MYO18B: variants seen among roughly 807,000 people sequenced by gnomAD.
MYO18B encodes unconventional myosin-XVIIIb.
In MYO18B, 204 loss-of-function variants were observed where a neutral mutation model predicts 273.0. The ratio of observed to expected loss-of-function variants is 0.75; its 90% CI spans 0.67 to 0.84. MYO18B has a LOEUF of 0.84. Among genes scored for constraint, MYO18B ranks in the 40% least tolerant of loss-of-function variants. The probability of loss-of-function intolerance (pLI) is 0.00; values close to 1 mark genes in which losing one functional copy is unlikely to be tolerated. For synonymous variants in MYO18B, 1,330 were observed against 1,305.7 expected (o/e 1.02, Z -0.40); for missense variants, 3,212 against 3,287.6 (o/e 0.98, Z 0.56).
chr22:25,887,884 C>G (rs949451960), intron 25 of MYO18B, among the ~76,000 whole-genome samples: 1 of 152,146 alleles, frequency 6.6e-6, no homozygotes, highest in Admixed American at 6.5e-5. Context: ...TTGCTCAGGC[C>G]GGTTAGCATA....
chr22:25,996,477 G>A (rs1933255488), intron 40 of MYO18B, among the ~76,000 whole-genome samples: 3 of 152,162 alleles, frequency 2.0e-5, no homozygotes, highest in African/African-American at 2.4e-5. Flanking sequence ...CTAAAGCCCA[G>A]TTTGGTTGAA....
At chr22:25,869,945 C>A (rs2091001959) in intron 22 of MYO18B, among the ~76,000 whole-genome samples, 1 of 152,186 alleles carries the variant, frequency 6.6e-6, no homozygotes, top group Admixed American at 6.5e-5. Context: ...AGAGAGTAAA[C>A]CTGTCAGTTA....
intron 7 of MYO18B, among the ~76,000 whole-genome samples, chr22:25,773,630 A>T (rs952854289): frequency 1.3e-5 from 2 of 151,910 alleles, no homozygotes; most frequent in African/African-American, 4.8e-5. Context: ...CGCCCAGCTA[A>T]TTTTTTGTAT....
chr22:26,021,601 G>A (rs1935820076), intron 42 of MYO18B, among the ~76,000 whole-genome samples: 1 of 152,192 alleles, frequency 6.6e-6, no homozygotes, highest in Non-Finnish European at 1.5e-5. Context: ...CTGCCCTCAT[G>A]GAGTTCTTAT....
intron 36 of MYO18B, among the ~76,000 whole-genome samples, chr22:25,948,969 C>T (rs2092760672): frequency 6.6e-6 from 1 of 151,964 alleles, no homozygotes; most frequent in Admixed American, 6.6e-5. Context: ...GGAAATAGCA[C>T]ATACAAAGGG....
chr22:25,765,037 G>C (rs2086456619), intron 3 of MYO18B, among the ~76,000 whole-genome samples: 1 of 152,136 alleles, frequency 6.6e-6, no homozygotes, highest in African/African-American at 2.4e-5. Flanking sequence ...GAGACCTGGG[G>C]GAAAGGGTTC....
rs375930517 is a variant in MYO18B at position 26,029,109 on chromosome 22, T to C, written c.*13-1334T>C. ...TCCAGCTCTAGAATCCCTACATTTA[T>C]CTTTAAAAGTTTTCCCTAGGGACAC... On this transcript the variant is annotated intron_variant, in intron 43 of 43. Transcript: ENST00000335473. Among the ~76,000 whole-genome samples the C allele has an allele frequency of 4.3e-4, 66 of 152,290 alleles. 1 individual carries two copies. The East Asian group carries it at 6.8e-3, about 16-fold the overall frequency.
At chr22:25,781,648 C>G (rs2087162865) in intron 9 of MYO18B, 86 bp from the exon 10 acceptor site, 1 of 752,490 alleles carries the variant, frequency 1.3e-6, no homozygotes, top group South Asian at 3.1e-5. Context: ...GTGGGGCACC[C>G]CAATGGGGCT....
intron 33 of MYO18B, among the ~76,000 whole-genome samples, chr22:25,914,028 G>A (rs1269064627): frequency 2.0e-5 from 3 of 152,140 alleles, no homozygotes; most frequent in Non-Finnish European, 4.4e-5. Flanking sequence ...ATAGTGTGAG[G>A]TAGGAATCTA....
chr22:25,916,204 A>C (rs563661509), intron 33 of MYO18B, among the ~76,000 whole-genome samples: 12 of 152,254 alleles, frequency 7.9e-5, no homozygotes, highest in African/African-American at 2.6e-4. Flanking sequence ...AATCATAATA[A>C]TGTTTACTTT....
At position 26,003,299 on chromosome 22, in the gene MYO18B, C is replaced by T. The variant is rs773193391; in HGVS notation, c.6322C>T (p.Arg2108Ter). The T allele has an allele frequency of 1.5e-5, 24 of 1,607,068 alleles. No individual in the cohort carries two copies. Among genetic ancestry groups the T allele is most frequent in the East Asian group, 6.7e-5 (3 of 44,608 alleles). The change falls in exon 41 of 44, where the codon CGA (arginine) becomes TGA (stop). Residue 2108 changes from arginine to a stop codon, truncating the protein, a stop_gained. Coordinates refer to ENST00000335473, the MANE Select transcript of MYO18B (RefSeq NM_032608.7). LOFTEE classifies it high-confidence loss of function. ...QTAVDCGSSG[R>*]KEMDNVSILS... ...GGCAGTGGATTGTGGCAGCAGCGGC[C>T]GAAAAGAGATGTAAGTTAACCCCAG... is the stretch of plus-strand genomic sequence containing the variant.
chr22:25,844,453 G>A (rs1395362908), intron 18 of MYO18B, among the ~76,000 whole-genome samples: 1 of 152,158 alleles, frequency 6.6e-6, no homozygotes, highest in Non-Finnish European at 1.5e-5. Flanking sequence ...AAACTGAGAC[G>A]ACCAGGGAGG....
the MYO18B span, among the ~76,000 whole-genome samples, chr22:26,037,446 G>C: frequency 3.9e-5 from 6 of 152,280 alleles, no homozygotes; most frequent in East Asian, 1.2e-3. Context: ...TTAGAGTTCA[G>C]AGCTCCTGAC....
rs2085648688 is a variant in MYO18B, at chr22:25,742,301, T to G, written c.-110+8T>G. ...GTGTCCTCTTTGCAGAAGGTACTAT[T>G]GGGCTGGGTTTTAGACGGGCACCTT... On this transcript the variant is annotated splice_region_variant and intron_variant, in intron 1 of 43. Coordinates refer to ENST00000335473, the MANE Select transcript of MYO18B (RefSeq NM_032608.7). 1 of 152,218 alleles carries G rather than the reference T, an allele frequency of 6.6e-6. No homozygotes were observed. Among genetic ancestry groups the G allele is most frequent in the Non-Finnish European group, 1.5e-5 (1 of 68,088 alleles). 9.4% of individuals were successfully genotyped at this position (152,218 alleles called of 1,614,324 possible).
Position 26,026,700 on chromosome 22 carries a change from G to A in MYO18B, c.6726G>A (p.Lys2242=). 6 of 1,613,862 alleles carry A rather than the reference G, an allele frequency of 3.7e-6. No homozygotes were observed. The highest frequency in any genetic ancestry group is 5.1e-6 in the Non-Finnish European group (6 of 1,179,854). The part of the protein sequence containing the change: ...STNTSPLSRE[K]LPSPSAALSE... ...ATACATCCCCGCTGTCGAGGGAAAA[G>A]CTGCCCAGTCCTTCAGCGGCCCTCT... The change falls in exon 43 of 44, where the codon AAG becomes AAA. Residue 2242 remains lysine, a synonymous_variant. Coordinates refer to ENST00000335473, the MANE Select transcript of MYO18B (RefSeq NM_032608.7).
At chr22:25,796,545 A>G (rs916995367) in intron 11 of MYO18B, among the ~76,000 whole-genome samples, 6 of 151,826 alleles carry the variant, frequency 4.0e-5, no homozygotes, top group African/African-American at 7.3e-5. Context: ...GCAGTGGGCT[A>G]TAATCACACC....
At chr22:25,747,309 C>T (rs565964471) in intron 1 of MYO18B, among the ~76,000 whole-genome samples, 57 of 152,340 alleles carry the variant, frequency 3.7e-4, no homozygotes, top group African/African-American at 1.1e-3. Flanking sequence ...TTCCTATACC[C>T]GTGCCAGACA....
At chr22:25,796,786 A>G (rs1443856564) in intron 11 of MYO18B, among the ~76,000 whole-genome samples, 2 of 152,204 alleles carry the variant, frequency 1.3e-5, no homozygotes, top group African/African-American at 4.8e-5. Flanking sequence ...GCTCAGGAAT[A>G]TCGTGGGGGC....
At chr22:25,889,171 G>T (rs968637116) in intron 25 of MYO18B, among the ~76,000 whole-genome samples, 3 of 143,090 alleles carry the variant, frequency 2.1e-5, no homozygotes, top group African/African-American at 7.5e-5. Flanking sequence ...TATATCTTGG[G>T]GATATATTTT....
Sources: gnomAD v4.1 joint callset for allele counts (sites outside exome capture counted in the v4.1 genomes callset) on GRCh38, gnomAD v4.1.1 for gene constraint, MANE v1.5 for transcripts, NCBI Gene and HGNC (gene_info 2026-07-23, HGNC 2026-07-21) for gene names.